Variants in EIPR1 observed in about 807,000 individuals in gnomAD.
EIPR1 encodes the protein EARP and GARP complex-interacting protein 1.
A neutral mutation model predicts 48.1 loss-of-function variants in EIPR1; 25 were observed. The ratio of observed to expected loss-of-function variants is 0.52; its 90% confidence interval spans 0.38 to 0.73. EIPR1 has a LOEUF of 0.73. Among genes scored for constraint, EIPR1 ranks in the 30% least tolerant of loss-of-function variants. The pLI is 0.00. For synonymous variants in EIPR1, 204 were observed against 201.9 expected (o/e 1.01, Z -0.09); for missense variants, 415 against 506.2 (o/e 0.82, Z 1.73).
At chr2:3,279,466 C>T (rs1478406622) in intron 3 of EIPR1, among the ~76,000 whole-genome samples, 3 of 152,178 alleles carry the variant, frequency 2.0e-5, no homozygotes, top group Non-Finnish European at 2.9e-5. Flanking sequence ...TCGGAATCCC[C>T]GCTTGTGGCC....
intron 3 of EIPR1, among the ~76,000 whole-genome samples, chr2:3,298,070 G>T (rs1252252946): frequency 6.6e-6 from 1 of 152,194 alleles, no homozygotes. Context: ...CAAAAGATCT[G>T]CCATCTCAGA....
chr2:3,373,629 T>C (rs1232611055), intron 1 of EIPR1, among the ~76,000 whole-genome samples: 20 of 152,144 alleles, frequency 1.3e-4, no homozygotes, highest in Admixed American at 6.5e-5. Context: ...CCATTCACAA[T>C]TGCTTCAAAG....
intron 3 of EIPR1, among the ~76,000 whole-genome samples, chr2:3,269,899 T>A (rs1667652780): frequency 6.6e-6 from 1 of 152,228 alleles, no homozygotes; most frequent in Non-Finnish European, 1.5e-5. Flanking sequence ...AGCACGCGAA[T>A]GAAGAGGAGC....
chr2:3,296,104 CTA>C (rs1572409160), intron 3 of EIPR1, among the ~76,000 whole-genome samples: 7 of 134,710 alleles, frequency 5.2e-5, no homozygotes, highest in Non-Finnish European at 6.4e-5. Context: ...CCCATCCTCT[CTA>C]CACACACACC....
chr2:3,316,601 C>A (rs928771355), intron 3 of EIPR1, among the ~76,000 whole-genome samples: 13 of 152,218 alleles, frequency 8.5e-5, no homozygotes, highest in African/African-American at 2.7e-4. Flanking sequence ...TTCTATGAGA[C>A]CCATTCCTCA....
At chr2:3,278,777 G>A (rs1667934298) in intron 3 of EIPR1, among the ~76,000 whole-genome samples, 1 of 152,096 alleles carries the variant, frequency 6.6e-6, no homozygotes, top group African/African-American at 2.4e-5. Context: ...CAGATGGAAG[G>A]CCATGTCTGC....
At chr2:3,260,560 G>C (rs1667303816) in intron 3 of EIPR1, among the ~76,000 whole-genome samples, 1 of 151,124 alleles carries the variant, frequency 6.6e-6, no homozygotes, top group African/African-American at 2.4e-5. Context: ...GGAAAGAAAG[G>C]AAAGAAAGAA....
chr2:3,303,148 C>G (rs990491979), intron 3 of EIPR1, among the ~76,000 whole-genome samples: 5 of 152,208 alleles, frequency 3.3e-5, no homozygotes, highest in African/African-American at 1.2e-4. Flanking sequence ...CCCAACGTCA[C>G]GTGTATTTGC....
chr2:3,288,795 G>A (rs866536227), intron 3 of EIPR1, among the ~76,000 whole-genome samples: 46 of 152,322 alleles, frequency 3.0e-4, no homozygotes, highest in African/African-American at 4.8e-5. Flanking sequence ...CGCGCAGCAC[G>A]CAGCAGCCAT....
intron 3 of EIPR1, among the ~76,000 whole-genome samples, chr2:3,329,051 C>G (rs112512628): frequency 3.7e-5 from 4 of 107,388 alleles, no homozygotes; most frequent in Admixed American, 8.7e-5. Flanking sequence ...CCACCCACCA[C>G]GCTCTAATGA....
At position 3,208,705 on chromosome 2, in the gene EIPR1, C is replaced by T. The variant is rs375834100; in HGVS notation, c.516+5444G>A. On this transcript the variant is annotated intron_variant, in intron 5 of 8. Transcript: ENST00000382125. The stretch of plus-strand genomic sequence containing the variant: ...CCCAATTCCCCCAGGAAACACTCGG[C>T]GGGTCCTTCTTCCATGCGTGAGGCT... 2.0e-5 allele frequency: 31 copies of T among 1,550,254 alleles called. 1 individual carries two copies. The highest frequency in any genetic ancestry group is 1.7e-4 in the Middle Eastern group (1 of 5,992).
chr2:3,266,358 T>A (rs1486692063), intron 3 of EIPR1, among the ~76,000 whole-genome samples: 1 of 152,180 alleles, frequency 6.6e-6, no homozygotes, highest in African/African-American at 2.4e-5. Context: ...AATGACAGCC[T>A]CACTGGGCGC....
At chr2:3,262,321 G>A (rs1028616388) in intron 3 of EIPR1, among the ~76,000 whole-genome samples, 2 of 152,216 alleles carry the variant, frequency 1.3e-5, no homozygotes, top group East Asian at 1.9e-4. Context: ...CAGTGACAAC[G>A]TAGGAGGAGC....
chr2:3,208,767 G>C, intron 5 of EIPR1: 1 of 1,548,626 alleles, frequency 6.5e-7, no homozygotes, highest in East Asian at 2.4e-5. Flanking sequence ...CCCGTGGCGA[G>C]TCCTTCTTCC....
At chr2:3,224,599 C>T (rs138085431) in intron 4 of EIPR1, among the ~76,000 whole-genome samples, 12 of 152,258 alleles carry the variant, frequency 7.9e-5, no homozygotes, top group South Asian at 6.2e-4. Flanking sequence ...GAGGCAGCCC[C>T]GTGTGAAAGT....
rs557452636 is a variant in EIPR1, at chr2:3,366,950, C to G, written c.42+10698G>C. Among the ~76,000 whole-genome samples the G allele has an allele frequency of 9.2e-5, 14 of 152,192 alleles. No homozygotes were observed. The South Asian group carries it at 1.7e-3, about 18-fold the overall frequency. On this transcript the variant is annotated intron_variant, in intron 1 of 8. Transcript: ENST00000382125. ...CACCCAGCTACTCAGGAGGCTGAGGCAGGAGAATCACTTGAACCTGGGAGG... is the reference window on the plus strand; with the variant it reads ...CACCCAGCTACTCAGGAGGCTGAGGGAGGAGAATCACTTGAACCTGGGAGG...
At chr2:3,298,197 CCTT>C (rs1264020872) in intron 3 of EIPR1, 6 of 152,356 alleles carry the variant, frequency 3.9e-5, no homozygotes, top group African/African-American at 1.4e-4. Context: ...GCGGCCCACT[CCTT>C]CTGCCACTGC....
intron 1 of EIPR1, among the ~76,000 whole-genome samples, chr2:3,365,981 G>C (rs956111328): frequency 2.3e-5 from 1 of 42,936 alleles, no homozygotes; most frequent in South Asian, 5.9e-4. Flanking sequence ...TCAGCCCCCC[G>C]CCCGGCCAGC....
intron 2 of EIPR1, among the ~76,000 whole-genome samples, chr2:3,338,957 C>T (rs925173160): frequency 6.6e-6 from 1 of 152,066 alleles, no homozygotes; most frequent in Non-Finnish European, 1.5e-5. Context: ...TATCCAAGTA[C>T]GTTTACTATG....
Sources: allele counts gnomAD v4.1 joint callset (sites outside exome capture counted in the v4.1 genomes callset), GRCh38; gene constraint gnomAD v4.1.1; transcripts MANE v1.5; gene names NCBI Gene and HGNC (gene_info 2026-07-23, HGNC 2026-07-21).